The following PHF12 variants were observed in gnomAD, a reference collection of about 807,000 sequenced individuals.
The protein encoded by PHF12 is PHD finger protein 12, also known as PHD factor 1.
In PHF12, 6 loss-of-function variants were observed where a neutral mutation model predicts 99.8. The observed-to-expected ratio is 0.06, with a 90% CI of 0.03 to 0.12. The LOEUF is 0.12. PHF12 is among the 10% of genes least tolerant of loss of function. The pLI is 1.00. For missense variants in PHF12, 954 were observed against 1,300.1 expected, an observed-to-expected ratio of 0.73 and a Z score of 4.09; for synonymous variants, 480 against 514.9, an observed-to-expected ratio of 0.93 and a Z score of 0.92.
Position 28,936,562 on chromosome 17 carries a change from G to A in PHF12, c.249-9499C>T, listed in dbSNP as rs547127213. ...GAGGTCAGTCACATGAACTGGTAGG[G>A]TCTTTCTTGTCAGAACCCGTAATTC... is the stretch of plus-strand genomic sequence containing the variant. On this transcript the variant is annotated intron_variant, in intron 2 of 14. Transcript: ENST00000332830. Among the ~76,000 whole-genome samples the A allele has an allele frequency of 8.5e-5, 13 of 152,262 alleles. No homozygotes were observed. The East Asian group carries it at 2.5e-3, about 29-fold the overall frequency.
At position 28,912,576 on chromosome 17, in the gene PHF12, G is replaced by A. The variant is rs200620528; in HGVS notation, c.1995C>T (p.Asn665=). 4.7e-5 allele frequency: 76 copies of A among 1,614,112 alleles called. No individual in the cohort carries two copies. The highest frequency in any genetic ancestry group is 1.5e-4 in the South Asian group (14 of 91,096). The part of the protein sequence containing the change: ...TDSRPLGSPP[N]ATRVLTPPQA... ...GCGGGGGAGTGAGCACCCGGGTGGC[G>A]TTTGGGGGTGAGCCCAGTGGCCTTG... The change falls in exon 9 of 15, where the codon AAC becomes AAT. Residue 665 remains asparagine (N), a synonymous_variant. Transcript: ENST00000332830.
rs760552682 is a variant in PHF12, at chr17:28,933,115, G to A, written c.249-6052C>T. ...CATCCTCATGTATCAATGAAGACAG[G>A]GTCCTGGAGGCCGTCCTTTATAAGA... On this transcript the variant is annotated intron_variant, in intron 2 of 14. Transcript: ENST00000332830. Among the ~76,000 whole-genome samples the A allele has an allele frequency of 2.6e-5, 4 of 152,170 alleles. No individual in the cohort carries two copies. In the South Asian group the frequency reaches 8.3e-4, roughly 32 times the overall value.
At chr17:28,914,134 G>T in intron 7 of PHF12, 97 bp from the exon 8 acceptor site, 1 of 1,343,624 alleles carries the variant, frequency 7.4e-7, no homozygotes, top group Non-Finnish European at 1.0e-6. Flanking sequence ...TGGTGCTGGT[G>T]CTCAAGGGAC....
intron 2 of PHF12, chr17:28,930,025 T>C (rs138579175): frequency 6.6e-6 from 1 of 152,208 alleles, no homozygotes; most frequent in East Asian, 1.9e-4. Context: ...TACCAAGATA[T>C]CCTACATCAA....
At chr17:28,923,065 T>A (rs2040194556) in intron 4 of PHF12, among the ~76,000 whole-genome samples, 1 of 151,286 alleles carries the variant, frequency 6.6e-6, no homozygotes, top group South Asian at 2.1e-4. Context: ...AAAAATTCTA[T>A]ATTAATATGA....
At chr17:28,908,676 ACT>A in intron 12 of PHF12, 105 bp downstream of exon 12, 1 of 1,081,992 alleles carries the variant, frequency 9.2e-7, no homozygotes, top group South Asian at 1.4e-5. Context: ...AAAGCAGTCA[ACT>A]CTGGAAAGGG....
intron 2 of PHF12, among the ~76,000 whole-genome samples, chr17:28,934,228 T>G (rs1320842161): frequency 1.3e-5 from 2 of 152,168 alleles, no homozygotes; most frequent in East Asian, 3.8e-4. Flanking sequence ...ACATACATAA[T>G]CAACTACAAA....
At chr17:28,923,069 A>T (rs996967669) in intron 4 of PHF12, among the ~76,000 whole-genome samples, 2 of 152,018 alleles carry the variant, frequency 1.3e-5, no homozygotes, top group Non-Finnish European at 2.9e-5. Context: ...ATTCTATATT[A>T]ATATGAAAAG....
chr17:28,906,534 T>C lies in PHF12; in HGVS notation c.2681-17A>G, dbSNP rs377281726. The C allele has an allele frequency of 7.0e-5, 111 of 1,584,922 alleles. No individual in the cohort carries two copies. Among genetic ancestry groups the C allele is most frequent in the Admixed American group, 2.4e-4 (14 of 58,336 alleles). ...GGCGGCGCCCTGGGAAAAAGGGGGATGGTCACAGAAGAGGAACAGTGAGCA... is the reference window on the plus strand; with the variant it reads ...GGCGGCGCCCTGGGAAAAAGGGGGACGGTCACAGAAGAGGAACAGTGAGCA... On this transcript the variant is annotated splice_polypyrimidine_tract_variant and intron_variant, in intron 14 of 14. Coordinates refer to ENST00000332830, the MANE Select transcript of PHF12 (RefSeq NM_001033561.2). The surrounding 1 kb of genome is among the most constrained non-coding windows in gnomAD (Gnocchi z 4.2).
Position 28,951,327 on chromosome 17 carries a change from G to C in PHF12, c.-367C>G, listed in dbSNP as rs989300033. 6.2e-5 allele frequency: 66 copies of C among 1,061,704 alleles called. No homozygotes were observed. The highest frequency in any genetic ancestry group is 7.0e-5 in the Non-Finnish European group (61 of 875,916). The allele number at this position is 1,061,704 out of a possible 1,614,324, so 65.8% of individuals were successfully genotyped here. A position where few individuals can be genotyped will look rare whatever the true frequency, so the allele number is the denominator to read the frequency against. The stretch of plus-strand genomic sequence containing the variant: ...CTGCCATCCCGGGGCTGGGGGTATC[G>C]GAGGGGGGGTGAGAGGTTACGTGAG... On this transcript the variant is annotated 5_prime_UTR_variant, in exon 1 of 15. Coordinates refer to ENST00000332830, the MANE Select transcript of PHF12 (RefSeq NM_001033561.2).
intron 13 of PHF12, chr17:28,907,239 T>A (rs1345552605): frequency 7.5e-6 from 4 of 533,478 alleles, no homozygotes; most frequent in Non-Finnish European, 1.3e-5. Flanking sequence ...CCGCTCCTCT[T>A]GGTATGATAC....
At chr17:28,947,372 T>C (rs1295453973) in intron 2 of PHF12, among the ~76,000 whole-genome samples, 1 of 152,050 alleles carries the variant, frequency 6.6e-6, no homozygotes, top group East Asian at 1.9e-4. Flanking sequence ...AATAAAATAC[T>C]TCACTCTCCA....
chr17:28,912,569 G>C lies in PHF12; in HGVS notation c.2002C>G (p.Arg668Gly). The C allele has an allele frequency of 1.2e-6, 2 of 1,614,188 alleles. No individual in the cohort carries two copies. The highest frequency in any genetic ancestry group is 1.7e-6 in the Non-Finnish European group (2 of 1,180,008). Residue 668 changes from arginine (R) to glycine (G), a missense_variant, in exon 9 of 15, where the codon CGG becomes GGG. Arg to Gly is a moderately radical substitution (Grantham distance 125). This residue lies in a region of PHF12 where 392 missense variants were observed against 423.1 expected (regional missense o/e 0.93). Coordinates refer to ENST00000332830, the MANE Select transcript of PHF12 (RefSeq NM_001033561.2). Reference protein sequence around the residue: ...RPLGSPPNATRVLTPPQAAGD... With the variant: ...RPLGSPPNATGVLTPPQAAGD... The stretch of plus-strand genomic sequence containing the variant: ...GCTGCTTGCGGGGGAGTGAGCACCC[G>C]GGTGGCGTTTGGGGGTGAGCCCAGT...
chr17:28,949,502 A>G lies in PHF12; in HGVS notation c.248+563T>C, dbSNP rs2040771507. Among the ~76,000 whole-genome samples the G allele has an allele frequency of 1.3e-5, 2 of 152,204 alleles. No homozygotes were observed. The highest frequency in any genetic ancestry group is 1.5e-5 in the Non-Finnish European group (1 of 68,028). ...CATATATGCAGCCAAAATGGCGCTG[A>G]GAATAAAAATATAATTTAAAGGCAG... On this transcript the variant is annotated intron_variant, in intron 2 of 14. Transcript: ENST00000332830. This position sits in a 1 kb window ranked among gnomAD's most constrained non-coding sequence, Gnocchi z 4.6.
chr17:28,907,185 C>T, intron 13 of PHF12, 191 bp from the exon 14 acceptor site: 1 of 603,040 alleles, frequency 1.7e-6, no homozygotes, highest in Non-Finnish European at 2.8e-6. Flanking sequence ...TTCTGGTGTC[C>T]CACACTCCCT....
intron 6 of PHF12, among the ~76,000 whole-genome samples, chr17:28,918,719 T>G (rs1309980459): frequency 6.6e-6 from 1 of 152,196 alleles, no homozygotes; most frequent in Non-Finnish European, 1.5e-5. Flanking sequence ...AACCCAAGAC[T>G]CTTGGAAGAG....
At chr17:28,910,453 T>C (rs2039938752) in intron 10 of PHF12, 84 bp from the exon 11 acceptor site, 6 of 1,464,966 alleles carry the variant, frequency 4.1e-6, no homozygotes, top group African/African-American at 1.4e-5. Context: ...AGCAAATAGT[T>C]TGGCATTTCT....
At chr17:28,907,021 G>A (rs1486416601) in intron 13 of PHF12, 27 bp from the exon 14 acceptor site, 8 of 1,589,024 alleles carry the variant, frequency 5.0e-6, no homozygotes, top group Non-Finnish European at 6.9e-6. Flanking sequence ...GAGATAAGAT[G>A]TGTGGTCTGC....
At position 28,951,186 on chromosome 17, in the gene PHF12, G is replaced by A. The variant is rs2040805344; in HGVS notation, c.-226C>T. On this transcript the variant is annotated 5_prime_UTR_variant, in exon 1 of 15. Transcript: ENST00000332830. ...GGGAGCGGCCCCTCAGTCCCGGCCC[G>A]GCTGCTGGCTGCACAGTGGGTCCCG... 9 of 1,406,570 alleles carry A rather than the reference G, an allele frequency of 6.4e-6. No individual in the cohort carries two copies. Among genetic ancestry groups the A allele is most frequent in the South Asian group, 6.1e-5 (4 of 65,112 alleles). 87.1% of individuals were successfully genotyped at this position (1,406,570 alleles called of 1,614,324 possible).
Sources: gnomAD v4.1 joint callset for allele counts (sites outside exome capture counted in the v4.1 genomes callset) on GRCh38, gnomAD v4.1.1 for gene constraint, gnomAD v4.1.1 regional missense constraint, Gnocchi (gnomAD v3.1) non-coding constraint, MANE v1.5 for transcripts, NCBI Gene and HGNC (gene_info 2026-07-23, HGNC 2026-07-21) for gene names.